Variants in IL12RB2 observed in about 807,000 individuals in gnomAD.
The protein encoded by IL12RB2 is interleukin 12 receptor subunit beta 2.
In IL12RB2, 82 loss-of-function variants were observed where a neutral mutation model predicts 89.4. The observed-to-expected ratio is 0.92, with a 90% CI of 0.77 to 1.10. IL12RB2 has a LOEUF of 1.10. Ranked by LOEUF, IL12RB2 falls within the 50% of genes least tolerant of loss-of-function variation. The pLI is 0.00. For missense variants in IL12RB2, 963 were observed against 1,031.9 expected (o/e 0.93, Z 0.92); for synonymous variants, 368 against 370.1 (o/e 0.99, Z 0.07).
At chr1:67,361,663 A>G (rs748247650) in intron 10 of IL12RB2, among the ~76,000 whole-genome samples, 1 of 152,206 alleles carries the variant, frequency 6.6e-6, no homozygotes, top group African/African-American at 2.4e-5. Context: ...AATCTGTGGA[A>G]CAACTACAAA....
intron 9 of IL12RB2, among the ~76,000 whole-genome samples, chr1:67,345,127 G>A (rs1052180602): frequency 7.9e-5 from 12 of 152,110 alleles, no homozygotes; most frequent in Non-Finnish European, 1.5e-4. Context: ...CCGAGATCAC[G>A]CCACTGCACT....
chr1:67,353,404 A>C (rs12030653), intron 10 of IL12RB2, among the ~76,000 whole-genome samples: 20,937 of 152,096 alleles, frequency 0.14, 2,172 homozygotes, highest in African/African-American at 0.28. Context: ...AAGATACAAA[A>C]AAAAATAAAA....
Position 67,337,901 on chromosome 1 carries a change from T to TAA in IL12RB2, c.959-708_959-707dup, listed in dbSNP as rs11449571. On this transcript the variant is annotated intron_variant, in intron 8 of 16. Coordinates refer to ENST00000674203, the MANE Select transcript of IL12RB2 (RefSeq NM_001374259.2). ...GTTGAGAATTCTTTCTGCATTCTAG[T>TAA]AAAAAAAAAAAAAAAAGAAAAGAAA... Among the ~76,000 whole-genome samples, 422 of 132,264 alleles carry TAA rather than the reference T, an allele frequency of 3.2e-3. 2 individuals carry two copies. Among genetic ancestry groups the TAA allele is most frequent in the Non-Finnish European group, 4.7e-3 (297 of 62,842 alleles). 86.8% of individuals were successfully genotyped at this position (132,264 alleles called of 152,430 possible). A position where few individuals can be genotyped will look rare whatever the true frequency, so the allele number is the denominator to read the frequency against.
At chr1:67,374,901 T>C (rs1663797136) in intron 13 of IL12RB2, among the ~76,000 whole-genome samples, 1 of 150,078 alleles carries the variant, frequency 6.7e-6, no homozygotes, top group South Asian at 2.1e-4. Context: ...CCTTCCTTAT[T>C]TTGTCACAAA....
intron 3 of IL12RB2, among the ~76,000 whole-genome samples, chr1:67,320,703 C>T (rs1656374145): frequency 6.6e-6 from 1 of 152,276 alleles, no homozygotes; most frequent in Non-Finnish European, 1.5e-5. Context: ...ATCACAAATA[C>T]ATGTTTTACA....
chr1:67,308,966 G>A (rs1316402723), intron 1 of IL12RB2, among the ~76,000 whole-genome samples: 1 of 152,072 alleles, frequency 6.6e-6, no homozygotes, highest in Non-Finnish European at 1.5e-5. Flanking sequence ...GTTACAGTGA[G>A]CCAAGATGGG....
At chr1:67,376,648 C>A (rs938208912) in intron 13 of IL12RB2, among the ~76,000 whole-genome samples, 7 of 152,194 alleles carry the variant, frequency 4.6e-5, no homozygotes, top group Non-Finnish European at 7.3e-5. Context: ...ACACCATCAT[C>A]TTCCTCACTG....
intron 15 of IL12RB2, among the ~76,000 whole-genome samples, chr1:67,387,838 T>C (rs1665387432): frequency 6.6e-6 from 1 of 152,102 alleles, no homozygotes; most frequent in Admixed American, 6.6e-5. Flanking sequence ...ATGTAAGATA[T>C]ATCAGTTAGC....
chr1:67,363,444 AACCTCAGGTGATTCGCCC>A (rs1662351746), intron 10 of IL12RB2, among the ~76,000 whole-genome samples: 1 of 140,732 alleles, frequency 7.1e-6, no homozygotes, highest in Non-Finnish European at 1.5e-5. Flanking sequence ...TCGAACTCCC[AACCTCAGGTGATTCGCCC>A]ACCTCAGCCT....
At position 67,380,111 on chromosome 1, in the gene IL12RB2, T is replaced by C; in HGVS notation, c.1843T>C (p.Phe615Leu). The change falls in exon 14 of 17, where the codon TTT becomes CTT. Residue 615 changes from phenylalanine to leucine, a missense_variant. Physicochemically the swap from Phe to Leu is conservative, Grantham distance 22. Coordinates refer to ENST00000674203, the MANE Select transcript of IL12RB2 (RefSeq NM_001374259.2). ...AAGTTCCCACGGAAATGAGAGGGAA[T>C]TTTGTCTGCAAGGTGAGAGGCAGTG... ...GESSHGNERE[F>L]CLQGKANWMA... is the part of the protein sequence containing the mutation. 1.9e-6 allele frequency: 3 copies of C among 1,614,186 alleles called. No homozygotes were observed. The highest frequency in any genetic ancestry group is 2.5e-6 in the Non-Finnish European group (3 of 1,180,016).
chr1:67,379,871 A>G (rs1054725307), intron 13 of IL12RB2, 115 bp from the exon 14 acceptor site: 2 of 872,306 alleles, frequency 2.3e-6, no homozygotes, highest in African/African-American at 3.3e-5. Context: ...TTAAAATAGC[A>G]AAATGCTTTT....
Position 67,326,770 on chromosome 1 carries a change from C to G in IL12RB2, c.400C>G (p.Gln134Glu). The G allele has an allele frequency of 6.2e-7, 1 of 1,613,688 alleles. No homozygotes were observed. Among genetic ancestry groups the G allele is most frequent in the Non-Finnish European group, 8.5e-7 (1 of 1,179,820 alleles). Reference sequence around the variant, plus strand: ...ACAGCCTCAAAATTTATCCTGCATACAGAAGGGAGAACAGGGGACTGTGGC... The same window carrying G: ...ACAGCCTCAAAATTTATCCTGCATAGAGAAGGGAGAACAGGGGACTGTGGC... ...PEQPQNLSCI[Q>E]KGEQGTVACT... The change falls in exon 5 of 17, where the codon CAG (glutamine) becomes GAG (glutamate). Residue 134 changes from glutamine (Q) to glutamate (E), a missense_variant. Transcript: ENST00000674203.
At chr1:67,337,918 GA>G (rs869064890) in intron 8 of IL12RB2, among the ~76,000 whole-genome samples, 8 of 130,020 alleles carry the variant, frequency 6.2e-5, no homozygotes, top group African/African-American at 2.0e-4. Context: ...AAAAAAAAAA[GA>G]AAAGAAAAGA....
Position 67,320,394 on chromosome 1 carries a change from C to A in IL12RB2, c.26C>A (p.Ser9Ter). 6.2e-7 allele frequency: 1 copy of A among 1,613,930 alleles called. No homozygotes were observed. Among genetic ancestry groups the A allele is most frequent in the South Asian group, 1.1e-5 (1 of 91,074 alleles). The change falls in exon 3 of 17, where the codon TCA becomes TAA. Residue 9 changes from serine (S) to a stop codon, truncating the protein, a stop_gained. Transcript: ENST00000674203. LOFTEE classifies it high-confidence loss of function. MAHTFRGC[S>*]LAFMFIITWL... ...ATGGCACATACTTTTAGAGGATGCT[C>A]ATTGGCATTTATGTTTATAATCACG...
At chr1:67,378,129 A>AAAC (rs34521970) in intron 13 of IL12RB2, among the ~76,000 whole-genome samples, 5 of 150,996 alleles carry the variant, frequency 3.3e-5, no homozygotes, top group African/African-American at 4.9e-5. Flanking sequence ...AAAACAAAAC[A>AAAC]AACAACAACA....
chr1:67,331,570 T>G (rs1306651395), intron 8 of IL12RB2, among the ~76,000 whole-genome samples: 1 of 152,146 alleles, frequency 6.6e-6, no homozygotes, highest in Non-Finnish European at 1.5e-5. Flanking sequence ...GCCGGCATGG[T>G]CGCTCAGGCC....
rs757970199 is a variant in IL12RB2, at chr1:67,372,518, T to C, written c.1542T>C (p.Gly514=). The C allele has an allele frequency of 8.1e-6, 13 of 1,603,768 alleles. No individual in the cohort carries two copies. Among genetic ancestry groups the C allele is most frequent in the Non-Finnish European group, 1.1e-5 (13 of 1,170,640 alleles). The part of the protein sequence containing the change: ...GDQGGCSSIL[G]NSKHKAPLSG... ...AAGGAGGATGCAGCTCCATCCTGGG[T>C]AACTCTAAGCACAAAGGTGAGTCTT... is the stretch of plus-strand genomic sequence containing the variant. The change falls in exon 12 of 17, where the codon GGT becomes GGC. Residue 514 remains glycine (G), a synonymous_variant. Coordinates refer to ENST00000674203, the MANE Select transcript of IL12RB2 (RefSeq NM_001374259.2).
At chr1:67,330,585 TTTCA>T in intron 7 of IL12RB2, 71 bp from the exon 8 acceptor site, 1 of 785,908 alleles carries the variant, frequency 1.3e-6, no homozygotes. Flanking sequence ...GTTTTTTTTT[TTTCA>T]TTTTATGTTA....
chr1:67,324,137 A>C (rs1399376110), intron 4 of IL12RB2, among the ~76,000 whole-genome samples: 1 of 152,260 alleles, frequency 6.6e-6, no homozygotes, highest in Non-Finnish European at 1.5e-5. Flanking sequence ...TATATGCAAA[A>C]GTATACACTG....
Sources: allele counts gnomAD v4.1 joint callset (sites outside exome capture counted in the v4.1 genomes callset), GRCh38; gene constraint gnomAD v4.1.1; transcripts MANE v1.5; gene names NCBI Gene and HGNC (gene_info 2026-07-23, HGNC 2026-07-21).